Variants in MKLN1 observed in about 807,000 individuals in gnomAD.
The protein encoded by MKLN1 is muskelin.
In MKLN1, 18 loss-of-function variants were observed where a neutral mutation model predicts 99.0. The ratio of observed to expected loss-of-function variants is 0.18; its 90% confidence interval spans 0.13 to 0.27. MKLN1 has a LOEUF of 0.27. Among genes scored for constraint, MKLN1 ranks in the 10% least tolerant of loss-of-function variants. MKLN1 has a pLI of 1.00. For synonymous variants in MKLN1, 288 were observed against 293.2 expected (o/e 0.98, Z 0.18); for missense variants, 621 against 875.9 (o/e 0.71, Z 3.67).
At chr7:131,318,121 C>G (rs781196084) in intron 3 of MKLN1, among the ~76,000 whole-genome samples, 7 of 152,156 alleles carry the variant, frequency 4.6e-5, no homozygotes, top group Non-Finnish European at 1.0e-4. Context: ...TAATAGATAT[C>G]TATAGAACTC....
intron 2 of MKLN1, among the ~76,000 whole-genome samples, chr7:131,144,354 C>T (rs1044920012): frequency 4.6e-5 from 7 of 151,188 alleles, no homozygotes; most frequent in South Asian, 4.2e-4. Flanking sequence ...TGGTGGTGGG[C>T]GCCTGTAGTC....
Position 131,141,346 on chromosome 7 carries a change from A to G in MKLN1, c.-418-1474A>G, listed in dbSNP as rs555599787. Among the ~76,000 whole-genome samples the G allele has an allele frequency of 6.6e-5, 10 of 152,266 alleles. 1 individual carries two copies. In the South Asian group the frequency reaches 2.1e-3, roughly 32 times the overall value. On this transcript the variant is annotated intron_variant, in intron 1 of 7. Coordinates refer to the MKLN1 transcript ENST00000416992. ...CCAAAATCTCCTCAATTTCCTCTTC[A>G]TATTTTTGCTGTCTTAGTGAATGAT... is the stretch of plus-strand genomic sequence containing the variant.
intron 2 of MKLN1, among the ~76,000 whole-genome samples, chr7:131,201,476 G>A (rs944111304): frequency 6.6e-6 from 1 of 152,184 alleles, no homozygotes; most frequent in Non-Finnish European, 1.5e-5. Context: ...ATTCTTAGCA[G>A]TCTATAGTGA....
At chr7:131,382,336 G>A (rs2116868574) in intron 2 of MKLN1, among the ~76,000 whole-genome samples, 1 of 151,960 alleles carries the variant, frequency 6.6e-6, no homozygotes, top group Middle Eastern at 3.4e-3. Flanking sequence ...CTGCACTCCA[G>A]CCAGGGCGAC....
At chr7:131,147,887 A>G (rs1233615415) in intron 2 of MKLN1, among the ~76,000 whole-genome samples, 1 of 152,202 alleles carries the variant, frequency 6.6e-6, no homozygotes, top group Non-Finnish European at 1.5e-5. Flanking sequence ...GGATACAAGG[A>G]GGCTTGTGTA....
intron 8 of MKLN1, 35 bp from the exon 9 acceptor site, chr7:131,428,997 CT>C (rs149735434): frequency 0.016 from 20,324 of 1,240,088 alleles, 40 homozygotes; most frequent in South Asian, 0.021. Flanking sequence ...TTATTTTGTC[CT>C]TTTTTTTTTA....
intron 3 of MKLN1, among the ~76,000 whole-genome samples, chr7:131,236,339 C>T (rs118159711): frequency 0.012 from 1,852 of 152,194 alleles, 21 homozygotes; most frequent in Non-Finnish European, 0.017. Flanking sequence ...ATGTATGTCC[C>T]CTTTCTCGTG....
At chr7:131,407,955 GTCATCA>G (rs902925986) in intron 6 of MKLN1, among the ~76,000 whole-genome samples, 1 of 151,696 alleles carries the variant, frequency 6.6e-6, no homozygotes, top group African/African-American at 2.4e-5. Context: ...CTGCATCATT[GTCATCA>G]TCATCATCAT....
chr7:131,380,931 A>T (rs966372499), intron 2 of MKLN1, among the ~76,000 whole-genome samples: 3 of 152,200 alleles, frequency 2.0e-5, no homozygotes, highest in Admixed American at 6.5e-5. Context: ...TTTAGCAAAT[A>T]CTGAACCATT....
At chr7:131,315,580 C>G (rs1259921955) in intron 3 of MKLN1, among the ~76,000 whole-genome samples, 2 of 152,130 alleles carry the variant, frequency 1.3e-5, no homozygotes, top group Non-Finnish European at 2.9e-5. Context: ...GAGGCTGAAG[C>G]CAGGGAGTCA....
intron 3 of MKLN1, among the ~76,000 whole-genome samples, chr7:131,316,953 C>G (rs770958893): frequency 2.0e-4 from 30 of 152,126 alleles, no homozygotes; most frequent in African/African-American, 7.0e-4. Context: ...AAATATGGGG[C>G]TATGTGAAAA....
chr7:131,234,511 G>A (rs1797288092), intron 3 of MKLN1, among the ~76,000 whole-genome samples: 2 of 152,148 alleles, frequency 1.3e-5, no homozygotes, highest in African/African-American at 4.8e-5. Flanking sequence ...CAGAGGACTC[G>A]TGTAAACTGG....
At chr7:131,168,710 A>G (rs998713050) in intron 2 of MKLN1, among the ~76,000 whole-genome samples, 4 of 152,114 alleles carry the variant, frequency 2.6e-5, no homozygotes, top group African/African-American at 7.2e-5. Flanking sequence ...TTCTTTATGT[A>G]TATTTTCTTT....
At chr7:131,196,004 C>CT (rs1286600351) in intron 2 of MKLN1, among the ~76,000 whole-genome samples, 3 of 151,974 alleles carry the variant, frequency 2.0e-5, no homozygotes, top group Non-Finnish European at 4.4e-5. Context: ...TTTTAATTTT[C>CT]TTTTTTGTGT....
chr7:131,135,029 C>A (rs145439059), intron 1 of MKLN1, among the ~76,000 whole-genome samples: 2 of 152,322 alleles, frequency 1.3e-5, no homozygotes, highest in East Asian at 3.9e-4. Context: ...TGCCTGTTTT[C>A]ATCCTATTCC....
At chr7:131,292,851 A>T (rs1262660080) in intron 3 of MKLN1, among the ~76,000 whole-genome samples, 1 of 152,228 alleles carries the variant, frequency 6.6e-6, no homozygotes, top group Non-Finnish European at 1.5e-5. Flanking sequence ...TATATAAAAG[A>T]TAGAGCTCTC....
At chr7:131,231,208 T>C (rs1304510336) in intron 3 of MKLN1, among the ~76,000 whole-genome samples, 2 of 149,182 alleles carry the variant, frequency 1.3e-5, no homozygotes, top group South Asian at 2.1e-4. Context: ...TACAGGATTG[T>C]AGCGGTACAG....
intron 2 of MKLN1, among the ~76,000 whole-genome samples, chr7:131,164,315 A>G (rs1008430725): frequency 3.7e-4 from 57 of 152,246 alleles, no homozygotes; most frequent in African/African-American, 1.3e-3. Flanking sequence ...TGGTCTCACT[A>G]TGTTAGCCAG....
chr7:131,482,340 A>T (rs751451406), intron 17 of MKLN1, among the ~76,000 whole-genome samples: 2 of 152,150 alleles, frequency 1.3e-5, no homozygotes, highest in Non-Finnish European at 2.9e-5. Flanking sequence ...GACTGCTGGC[A>T]TGCACAACCA....
Sources: allele counts gnomAD v4.1 joint callset (sites outside exome capture counted in the v4.1 genomes callset), GRCh38; gene constraint gnomAD v4.1.1; transcripts MANE v1.5; gene names NCBI Gene and HGNC (gene_info 2026-07-23, HGNC 2026-07-21).